The following STK32B variants were observed in gnomAD, a reference collection of about 807,000 sequenced individuals.
STK32B encodes serine/threonine kinase 32B, also known as serine/threonine-protein kinase 32B.
Under a neutral mutation model 52.6 loss-of-function variants are expected in STK32B, and 43 were observed. The ratio of observed to expected loss-of-function variants is 0.82; its 90% CI spans 0.64 to 1.05. The LOEUF (loss-of-function observed/expected upper bound fraction) is 1.05. Among genes scored for constraint, STK32B ranks in the 50% least tolerant of loss-of-function variants. The pLI, the probability that STK32B is intolerant of heterozygous loss-of-function variation, is 0.00. For missense variants in STK32B, 621 were observed against 534.6 expected, an observed-to-expected ratio of 1.16 and a Z score of -1.59; for synonymous variants, 238 against 204.3, an observed-to-expected ratio of 1.17 and a Z score of -1.41.
At chr4:5,440,316 A>T (rs964112533) in intron 6 of STK32B, among the ~76,000 whole-genome samples, 6 of 152,092 alleles carry the variant, frequency 3.9e-5, no homozygotes, top group Admixed American at 1.3e-4. Flanking sequence ...AAGAGGTCCT[A>T]CACATCCCTT....
intron 3 of STK32B, among the ~76,000 whole-genome samples, chr4:5,252,795 A>G (rs974637544): frequency 6.6e-6 from 1 of 152,152 alleles, no homozygotes; most frequent in East Asian, 1.9e-4. Context: ...TGCAAACTGG[A>G]GGCAGTAGTA....
At chr4:5,335,977 A>T (rs1732652862) in intron 4 of STK32B, among the ~76,000 whole-genome samples, 1 of 150,836 alleles carries the variant, frequency 6.6e-6, no homozygotes, top group Non-Finnish European at 1.5e-5. Context: ...CTCTTTCCCA[A>T]CTCTGCAGAG....
chr4:5,237,245 T>G (rs1361274133), intron 3 of STK32B, among the ~76,000 whole-genome samples: 1 of 152,162 alleles, frequency 6.6e-6, no homozygotes, highest in African/African-American at 2.4e-5. Context: ...CACCATCTGA[T>G]TGGCCAGCTC....
intron 4 of STK32B, among the ~76,000 whole-genome samples, chr4:5,367,219 A>G (rs569504758): frequency 6.6e-6 from 1 of 152,292 alleles, no homozygotes; most frequent in East Asian, 1.9e-4. Context: ...CCGTCCAGTG[A>G]AAGGTCGGTT....
chr4:5,495,252 T>C (rs576054682), intron 11 of STK32B, among the ~76,000 whole-genome samples: 1 of 152,322 alleles, frequency 6.6e-6, no homozygotes, highest in South Asian at 2.1e-4. Flanking sequence ...TAGTCCCATA[T>C]TTCTTGGAGG....
At chr4:5,260,551 T>C (rs1726644847) in intron 3 of STK32B, among the ~76,000 whole-genome samples, 1 of 152,128 alleles carries the variant, frequency 6.6e-6, no homozygotes, top group African/African-American at 2.4e-5. Context: ...TAAAACTTGC[T>C]GGGGGAATAG....
chr4:5,135,996 T>C (rs1309236887), intron 1 of STK32B, among the ~76,000 whole-genome samples: 2 of 152,098 alleles, frequency 1.3e-5, no homozygotes, highest in African/African-American at 2.4e-5. Context: ...TTCTTAGAAA[T>C]GCAAATTCTC....
intron 11 of STK32B, among the ~76,000 whole-genome samples, chr4:5,495,749 T>A (rs943311051): frequency 1.3e-5 from 2 of 152,088 alleles, no homozygotes; most frequent in Admixed American, 1.3e-4. Context: ...TACAGATGGG[T>A]TTTTGGTGTG....
intron 1 of STK32B, among the ~76,000 whole-genome samples, chr4:5,135,782 G>A (rs1716038848): frequency 6.6e-6 from 1 of 152,190 alleles, no homozygotes. Context: ...CTCCAGCTCA[G>A]TGTGCCCCTT....
chr4:5,241,612 C>A (rs2108817845), intron 3 of STK32B, among the ~76,000 whole-genome samples: 1 of 151,944 alleles, frequency 6.6e-6, no homozygotes, highest in South Asian at 2.1e-4. Flanking sequence ...TTTTAGGATA[C>A]ATGTGCACAA....
intron 4 of STK32B, among the ~76,000 whole-genome samples, chr4:5,345,778 A>G (rs538505407): frequency 3.2e-4 from 48 of 152,378 alleles, no homozygotes; most frequent in Admixed American, 5.2e-4. Flanking sequence ...TATCCATAGA[A>G]TTGATCTGCT....
At chr4:5,392,301 C>G (rs1057108683) in intron 4 of STK32B, among the ~76,000 whole-genome samples, 13 of 152,098 alleles carry the variant, frequency 8.5e-5, no homozygotes, top group Non-Finnish European at 1.9e-4. Context: ...TGGTGCACGC[C>G]TGTAATCCCA....
chr4:5,499,058 C>T lies in STK32B; in HGVS notation c.1220C>T (p.Thr407Ile), dbSNP rs889191611. ...DGCNNNLLTH[T>I]CTRGCSS ...TGCAACAACAACCTCCTCACCCACA[C>T]CTGCACCCGTGGCTGCAGCAGCTGA... The change falls in exon 12 of 12, where the codon ACC (threonine) becomes ATC (isoleucine). Residue 407 changes from threonine to isoleucine, a missense_variant. Coordinates refer to ENST00000282908, the MANE Select transcript of STK32B (RefSeq NM_018401.3). 6.2e-7 allele frequency: 1 copy of T among 1,612,824 alleles called. No homozygotes were observed. Among genetic ancestry groups the T allele is most frequent in the Non-Finnish European group, 8.5e-7 (1 of 1,179,254 alleles).
chr4:5,300,837 C>T (rs1276907794), intron 3 of STK32B, among the ~76,000 whole-genome samples: 1 of 151,948 alleles, frequency 6.6e-6, no homozygotes, highest in African/African-American at 2.4e-5. Context: ...TTGGAAGAAT[C>T]GATATTGTTA....
At chr4:5,129,710 AC>A (rs1338513738) in intron 1 of STK32B, among the ~76,000 whole-genome samples, 1 of 152,102 alleles carries the variant, frequency 6.6e-6, no homozygotes, top group Non-Finnish European at 1.5e-5. Context: ...CACCTTAACA[AC>A]CCTAAGAAGT....
At chr4:5,057,826 G>A (rs1364814082) in intron 1 of STK32B, among the ~76,000 whole-genome samples, 1 of 152,188 alleles carries the variant, frequency 6.6e-6, no homozygotes. Flanking sequence ...TGAAGAAACT[G>A]TTCTACAAAG....
At chr4:5,229,877 G>T (rs1042846627) in intron 3 of STK32B, among the ~76,000 whole-genome samples, 7 of 152,250 alleles carry the variant, frequency 4.6e-5, no homozygotes, top group Admixed American at 3.3e-4. Flanking sequence ...TGAGATTACA[G>T]AGATCAAGTA....
Position 5,143,217 on chromosome 4 carries a change from A to G in STK32B, c.108+3257A>G, listed in dbSNP as rs532029487. ...TACATGGCACAATAGTGGGACAACAAGAGCATGTGCAGGCTCCAGCCCAGG... is the reference window on the plus strand; with the variant it reads ...TACATGGCACAATAGTGGGACAACAGGAGCATGTGCAGGCTCCAGCCCAGG... On this transcript the variant is annotated intron_variant, in intron 2 of 11. Transcript: ENST00000282908. 3.9e-5 allele frequency among the ~76,000 whole-genome samples: 6 copies of G among 152,302 alleles called. No individual in the cohort carries two copies. In the South Asian group the frequency reaches 8.3e-4, roughly 21 times the overall value.
In STK32B at chr4:5,317,349, ATAAT is replaced by A. The variant is rs1731121725; in HGVS notation, c.261-13870_261-13867del. 1.6e-4 allele frequency among the ~76,000 whole-genome samples: 14 copies of A among 88,672 alleles called. 2 individuals are homozygous for A. In the Admixed American group the frequency reaches 2.5e-3, roughly 16 times the overall value. The allele number at this position is 88,672 out of a possible 152,430, so 58.2% of individuals were successfully genotyped here. On this transcript the variant is annotated intron_variant, in intron 3 of 11. Transcript: ENST00000282908. ...TATATTACATATATAATACATATAT[ATAAT>A]ATATATAATGTATATGTATTATATA...
Sources: gnomAD v4.1 joint callset for allele counts (sites outside exome capture counted in the v4.1 genomes callset) on GRCh38, gnomAD v4.1.1 for gene constraint, MANE v1.5 for transcripts, NCBI Gene and HGNC (gene_info 2026-07-23, HGNC 2026-07-21) for gene names.